The following TMTC4 variants were observed in gnomAD, a reference collection of about 807,000 sequenced individuals.
TMTC4 encodes the protein protein O-mannosyl-transferase TMTC4.
A neutral mutation model predicts 86.0 loss-of-function variants in TMTC4; 65 were observed. The observed-to-expected ratio is 0.76, with a 90% CI of 0.62 to 0.93. The LOEUF (loss-of-function observed/expected upper bound fraction) is 0.93, where lower values mean the gene tolerates loss of function less well. Among genes scored for constraint, TMTC4 ranks in the 40% least tolerant of loss-of-function variants. The probability of loss-of-function intolerance (pLI) is 0.00; values close to 1 mark genes in which losing one functional copy is unlikely to be tolerated. For missense variants in TMTC4, 866 were observed against 948.1 expected (o/e 0.91, Z 1.14); for synonymous variants, 379 against 382.5 (o/e 0.99, Z 0.11).
chr13:100,619,609 AAG>A (rs1473356779), intron 15 of TMTC4, among the ~76,000 whole-genome samples: 1 of 151,912 alleles, frequency 6.6e-6, no homozygotes, highest in Non-Finnish European at 1.5e-5. Flanking sequence ...ATGCAAGAAA[AAG>A]AAAGCTTTAA....
intron 6 of TMTC4, among the ~76,000 whole-genome samples, chr13:100,653,048 A>G (rs1456457623): frequency 6.6e-6 from 1 of 152,210 alleles, no homozygotes; most frequent in Non-Finnish European, 1.5e-5. Flanking sequence ...TTATTTTTGC[A>G]TATGGGGCTC....
chr13:100,674,067 C>T, intron 1 of TMTC4: 1 of 985,220 alleles, frequency 1.0e-6, no homozygotes, highest in Non-Finnish European at 1.2e-6. Flanking sequence ...TCAACAAGAC[C>T]AGAAGCCCCG....
chr13:100,634,064 G>A (rs1289375903), intron 12 of TMTC4, among the ~76,000 whole-genome samples: 3 of 151,760 alleles, frequency 2.0e-5, no homozygotes, highest in Admixed American at 6.6e-5. Flanking sequence ...CCTTGAACCC[G>A]GGAGGTGGAG....
At chr13:100,666,388 G>A (rs1886404262) in intron 3 of TMTC4, among the ~76,000 whole-genome samples, 1 of 152,152 alleles carries the variant, frequency 6.6e-6, no homozygotes, top group Non-Finnish European at 1.5e-5. Flanking sequence ...TTAACAAAAG[G>A]GGCACAGTGT....
intron 3 of TMTC4, among the ~76,000 whole-genome samples, chr13:100,664,983 C>T (rs1457143464): frequency 6.6e-6 from 1 of 152,144 alleles, no homozygotes; most frequent in East Asian, 1.9e-4. Context: ...AATAAGGTAA[C>T]TTACCAAAAT....
Position 100,612,512 on chromosome 13 carries a change from T to C in TMTC4, c.1952-2A>G. The C allele has an allele frequency of 6.2e-7, 1 of 1,606,694 alleles. No homozygotes were observed. The highest frequency in any genetic ancestry group is 1.1e-5 in the South Asian group (1 of 89,542). On this transcript the variant is annotated splice_acceptor_variant, in intron 16 of 18. Coordinates refer to ENST00000342624, the MANE Select transcript of TMTC4 (RefSeq NM_032813.5). LOFTEE classifies it high-confidence loss of function. The stretch of plus-strand genomic sequence containing the variant: ...CTGCTTCAGCTTGGGCTAAATTACC[T>C]GGGAGTGAAAAATGGAAAAATAAAA...
At chr13:100,638,120 C>T (rs1171756530) in intron 7 of TMTC4, 98 bp from the exon 8 acceptor site, 4 of 854,296 alleles carry the variant, frequency 4.7e-6, no homozygotes, top group Non-Finnish European at 5.6e-6. Flanking sequence ...AGACAAGGAA[C>T]ACATAGACTA....
intron 6 of TMTC4, among the ~76,000 whole-genome samples, chr13:100,655,302 C>T (rs751204076): frequency 1.3e-5 from 2 of 152,140 alleles, no homozygotes; most frequent in East Asian, 3.9e-4. Flanking sequence ...GGATTACAGG[C>T]GTAAGCCACC....
intron 7 of TMTC4, 112 bp downstream of exon 7, chr13:100,642,099 A>G: frequency 9.3e-7 from 1 of 1,071,458 alleles, no homozygotes. Flanking sequence ...CAGGCCAGCA[A>G]TGGGATGTAG....
At chr13:100,614,716 G>A (rs958356982) in intron 15 of TMTC4, among the ~76,000 whole-genome samples, 4 of 152,050 alleles carry the variant, frequency 2.6e-5, no homozygotes, top group African/African-American at 9.7e-5. Flanking sequence ...TGGTAAAGCA[G>A]GAATAAGAAC....
chr13:100,630,587 CG>C (rs1881220251), intron 12 of TMTC4, among the ~76,000 whole-genome samples: 1 of 152,128 alleles, frequency 6.6e-6, no homozygotes, highest in African/African-American at 2.4e-5. Flanking sequence ...CACCTCCTCT[CG>C]TATGCACAAA....
intron 15 of TMTC4, 76 bp from the exon 16 acceptor site, chr13:100,614,506 A>G: frequency 8.7e-7 from 1 of 1,145,004 alleles, no homozygotes. Flanking sequence ...TTAAAAAAAA[A>G]AAAAAAGAAA....
chr13:100,636,586 C>T lies in TMTC4; in HGVS notation c.1148G>A (p.Cys383Tyr), dbSNP rs781040770. Residue 383 changes from cysteine (C) to tyrosine (Y), a missense_variant, in exon 10 of 19, where the codon TGC becomes TAC. Physicochemically the swap from Cys to Tyr is radical, Grantham distance 194. Transcript: ENST00000342624. ...RVIALAALWF[C>Y]LIGLICQALC... ...GGCTTGGCATATCAGGCCAATTAGG[C>T]AGAACCAGAGTGCTGCAAGTGCAAT... 6.2e-7 allele frequency: 1 copy of T among 1,614,072 alleles called. No homozygotes were observed. Among genetic ancestry groups the T allele is most frequent in the Non-Finnish European group, 8.5e-7 (1 of 1,180,044 alleles).
chr13:100,668,187 C>T (rs547431499), intron 3 of TMTC4, among the ~76,000 whole-genome samples: 3 of 151,740 alleles, frequency 2.0e-5, no homozygotes, highest in African/African-American at 4.8e-5. Flanking sequence ...TGATCACACC[C>T]GTCCATCACT....
chr13:100,653,338 T>C (rs1884682065), intron 6 of TMTC4, among the ~76,000 whole-genome samples: 2 of 152,000 alleles, frequency 1.3e-5, no homozygotes, highest in African/African-American at 4.8e-5. Flanking sequence ...GGTTCTGGGG[T>C]TGCTCAGACA....
intron 7 of TMTC4, among the ~76,000 whole-genome samples, chr13:100,640,566 A>G (rs1026621400): frequency 1.3e-5 from 2 of 152,080 alleles, no homozygotes; most frequent in African/African-American, 4.8e-5. Flanking sequence ...CTAATCCCAC[A>G]ACTTGGCCAG....
chr13:100,630,514 G>A (rs942999489), intron 12 of TMTC4, among the ~76,000 whole-genome samples: 3 of 152,158 alleles, frequency 2.0e-5, no homozygotes, highest in African/African-American at 7.2e-5. Context: ...AGTGTGTGTT[G>A]AGAAAAGTGC....
At chr13:100,637,329 A>T (rs1377007735) in intron 9 of TMTC4, among the ~76,000 whole-genome samples, 1 of 152,162 alleles carries the variant, frequency 6.6e-6, no homozygotes, top group East Asian at 1.9e-4. Flanking sequence ...ACGGAAATGC[A>T]AGGAGCTTCT....
chr13:100,656,478 G>C lies in TMTC4; in HGVS notation c.553-10C>G, dbSNP rs554779300. 3.8e-6 allele frequency: 6 copies of C among 1,572,420 alleles called. No individual in the cohort carries two copies. The South Asian group carries it at 6.9e-5, about 18-fold the overall frequency. On this transcript the variant is annotated splice_polypyrimidine_tract_variant and intron_variant, in intron 5 of 18. Transcript: ENST00000342624. ...CGACAACACCAGCAACCTTAAAAAAGGGGGAAGAAAACAAAGAATTACATA... is the reference window on the plus strand; with the variant it reads ...CGACAACACCAGCAACCTTAAAAAACGGGGAAGAAAACAAAGAATTACATA...
Sources: gnomAD v4.1 joint callset for allele counts (sites outside exome capture counted in the v4.1 genomes callset) on GRCh38, gnomAD v4.1.1 for gene constraint, MANE v1.5 for transcripts, NCBI Gene and HGNC (gene_info 2026-07-23, HGNC 2026-07-21) for gene names.